The following DNM1L variants were observed in gnomAD, a reference collection of about 807,000 sequenced individuals.
DNM1L encodes dynamin 1L.
DNM1L carries 33 observed loss-of-function variants against 92.8 expected under a neutral mutation model. The observed-to-expected ratio is 0.36, with a 90% CI of 0.27 to 0.48. DNM1L has a LOEUF of 0.48. DNM1L is among the 20% of genes least tolerant of loss of function. The pLI is 0.99. For synonymous variants in DNM1L, 284 were observed against 305.0 expected (o/e 0.93, Z 0.72); for missense variants, 485 against 888.8 (o/e 0.55, Z 5.78).
chr12:32,701,417 C>T lies in DNM1L; in HGVS notation c.105C>T (p.Ser35=), dbSNP rs1183163781. The T allele has an allele frequency of 1.9e-6, 3 of 1,613,788 alleles. No individual in the cohort carries two copies. The Admixed American group carries it at 5.0e-5, about 27-fold the overall frequency. ...LPQIVVVGTQ[S]SGKSSVLESL... The stretch of plus-strand genomic sequence containing the variant: ...TCTTGTATATATTCTGTTTTCAGAG[C>T]AGCGGAAAGAGCTCAGTGCTAGAAA... The change falls in exon 2 of 20, where the codon AGC becomes AGT. Residue 35 remains serine, a splice_region_variant and synonymous_variant. Coordinates refer to ENST00000549701, the MANE Select transcript of DNM1L (RefSeq NM_012062.5).
Position 32,740,192 on chromosome 12 carries a change from T to C in DNM1L, c.1836T>C (p.Ile612=). ...AAGAAAAATCAAAACCCATTCCAAT[T>C]ATGCCAGCCAGTCCACAAAAAGGTC... ...LAEEKSKPIP[I]MPASPQKGHA... is the part of the protein sequence containing the mutation. Residue 612 remains isoleucine (I), a synonymous_variant, in exon 17 of 20, where the codon ATT becomes ATC. Transcript: ENST00000549701. The C allele has an allele frequency of 1.9e-6, 3 of 1,614,146 alleles. No individual in the cohort carries two copies. The highest frequency in any genetic ancestry group is 2.5e-6 in the Non-Finnish European group (3 of 1,180,034).
At chr12:32,684,854 G>A (rs1204647055) in intron 1 of DNM1L, among the ~76,000 whole-genome samples, 19 of 152,010 alleles carry the variant, frequency 1.2e-4, no homozygotes, top group African/African-American at 4.6e-4. Flanking sequence ...ATCAATTGAT[G>A]AATTTTTGGG....
intron 9 of DNM1L, chr12:32,726,823 G>C: frequency 1.6e-6 from 1 of 624,374 alleles, no homozygotes; most frequent in South Asian, 2.0e-5. Flanking sequence ...AAGGAAAAGT[G>C]ATCAGAATCA....
intron 13 of DNM1L, among the ~76,000 whole-genome samples, chr12:32,735,559 T>A (rs894994775): frequency 6.6e-6 from 1 of 152,164 alleles, no homozygotes; most frequent in African/African-American, 2.4e-5. Context: ...TGGGTCAAAT[T>A]TCTGTCAAAA....
chr12:32,681,423 A>T (rs1951799191), intron 1 of DNM1L, among the ~76,000 whole-genome samples: 1 of 152,078 alleles, frequency 6.6e-6, no homozygotes, highest in Admixed American at 6.5e-5. Context: ...TGGTGGTGCG[A>T]ACCTGTAGTC....
intron 9 of DNM1L, among the ~76,000 whole-genome samples, chr12:32,723,309 T>C (rs904401250): frequency 2.6e-5 from 4 of 152,224 alleles, no homozygotes; most frequent in Non-Finnish European, 5.9e-5. Context: ...ATCCCCATTA[T>C]ATAACAAGAC....
chr12:32,721,388 G>C (rs913489543), intron 8 of DNM1L, among the ~76,000 whole-genome samples: 8 of 151,886 alleles, frequency 5.3e-5, no homozygotes, highest in African/African-American at 1.2e-4. Flanking sequence ...TCACTTTGCT[G>C]GGTACCAATT....
At chr12:32,685,975 T>A (rs1264769372) in intron 1 of DNM1L, among the ~76,000 whole-genome samples, 1 of 151,790 alleles carries the variant, frequency 6.6e-6, no homozygotes, top group African/African-American at 2.4e-5. Context: ...TTTTTTTGTA[T>A]AGATTATGAG....
intron 2 of DNM1L, among the ~76,000 whole-genome samples, chr12:32,702,789 T>A (rs1426812937): frequency 6.6e-6 from 1 of 152,172 alleles, no homozygotes; most frequent in Non-Finnish European, 1.5e-5. Context: ...GCAAGTAATA[T>A]TTTTAGATAG....
Position 32,745,373 on chromosome 12 carries a change from A to G in DNM1L, c.*1963A>G, listed in dbSNP as rs995893826. 9.9e-6 allele frequency: 2 copies of G among 202,740 alleles called. No homozygotes were observed. The highest frequency in any genetic ancestry group is 4.8e-5 in the African/African-American group (2 of 41,878). 12.6% of individuals were successfully genotyped at this position (202,740 alleles called of 1,614,324 possible). On this transcript the variant is annotated 3_prime_UTR_variant, in exon 20 of 20. Coordinates refer to ENST00000549701, the MANE Select transcript of DNM1L (RefSeq NM_012062.5). Reference sequence around the variant, plus strand: ...AATTAAAGACATGCTATGGTAATGCACTTGCTAGTACTACACACTTTGTAC... The same window carrying G: ...AATTAAAGACATGCTATGGTAATGCGCTTGCTAGTACTACACACTTTGTAC...
intron 1 of DNM1L, 198 bp downstream of exon 1, chr12:32,679,663 C>T (rs1565964271): frequency 3.1e-6 from 4 of 1,278,410 alleles, no homozygotes; most frequent in African/African-American, 3.1e-5. Context: ...TGCATCAAGG[C>T]GGAGAATCCG....
In DNM1L at chr12:32,733,817, A is replaced by G; in HGVS notation, c.1539+10A>G. 5.0e-6 allele frequency: 8 copies of G among 1,610,212 alleles called. No individual in the cohort carries two copies. Among genetic ancestry groups the G allele is most frequent in the Non-Finnish European group, 6.8e-6 (8 of 1,176,708 alleles). On this transcript the variant is annotated intron_variant, in intron 13 of 19. Transcript: ENST00000549701. ...GAACAATAATATAGAGGTAAATATA[A>G]TTCTTAAATGCTTTTTCACAGGTAG...
At chr12:32,723,910 T>G (rs780672767) in intron 9 of DNM1L, among the ~76,000 whole-genome samples, 12 of 152,216 alleles carry the variant, frequency 7.9e-5, no homozygotes, top group Non-Finnish European at 1.5e-4. Flanking sequence ...TTACAAACAA[T>G]GTGTTCACAT....
At chr12:32,727,176 G>GT in intron 9 of DNM1L, 1 of 887,356 alleles carries the variant, frequency 1.1e-6, no homozygotes. Flanking sequence ...TTCTTCCTCT[G>GT]TAGGTTCATA....
chr12:32,720,532 T>G (rs1269538102), intron 7 of DNM1L, 132 bp from the exon 8 acceptor site: 1 of 1,367,606 alleles, frequency 7.3e-7, no homozygotes, highest in Non-Finnish European at 1.0e-6. Context: ...ACCTGCCACA[T>G]AAAATTATTG....
At position 32,745,452 on chromosome 12, in the gene DNM1L, C is replaced by T. The variant is rs1185161324; in HGVS notation, c.*2042C>T. On this transcript the variant is annotated 3_prime_UTR_variant, in exon 20 of 20. Transcript: ENST00000549701. ...AAAGAGAAAAGCCTTCCTTTGTTGG[C>T]CCTTAAACTGAGTCAAGATCTGAAA... The T allele has an allele frequency of 1.9e-5, 3 of 155,370 alleles. No homozygotes were observed. The East Asian group carries it at 5.7e-4, about 30-fold the overall frequency. 9.6% of individuals were successfully genotyped at this position (155,370 alleles called of 1,614,324 possible).
chr12:32,743,441 A>T lies in DNM1L; in HGVS notation c.*31A>T, dbSNP rs775496884. On this transcript the variant is annotated 3_prime_UTR_variant, in exon 20 of 20. Transcript: ENST00000549701. The stretch of plus-strand genomic sequence containing the variant: ...ACTATGTAATACTGAGACTTTGTTG[A>T]CTCAAAACTTGCTAGTTACTGCCTA... 2.5e-6 allele frequency: 4 copies of T among 1,608,076 alleles called. No individual in the cohort carries two copies. The South Asian group carries it at 3.3e-5, about 13-fold the overall frequency.
At chr12:32,740,289 G>A (rs1286730285) in intron 17 of DNM1L, 49 bp downstream of exon 17, 2 of 1,613,428 alleles carry the variant, frequency 1.2e-6, no homozygotes, top group Admixed American at 1.7e-5. Context: ...GACCAAGTTA[G>A]TAGGAAAACG....
chr12:32,726,488 A>T, intron 9 of DNM1L: 1 of 1,054,742 alleles, frequency 9.5e-7, no homozygotes, highest in South Asian at 1.3e-5. Flanking sequence ...CACCTTCTTC[A>T]TCATACTCAT....
Sources: allele counts gnomAD v4.1 joint callset (sites outside exome capture counted in the v4.1 genomes callset), GRCh38; gene constraint gnomAD v4.1.1; transcripts MANE v1.5; gene names NCBI Gene and HGNC (gene_info 2026-07-23, HGNC 2026-07-21).